KLHL4: variants seen among roughly 807,000 people sequenced by gnomAD.
KLHL4 encodes the protein kelch like family member 4.
A neutral mutation model predicts 45.8 loss-of-function variants in KLHL4; 17 were observed. The ratio of observed to expected loss-of-function variants is 0.37; its 90% CI spans 0.25 to 0.56. The LOEUF (loss-of-function observed/expected upper bound fraction) is 0.56, where lower values mean the gene tolerates loss of function less well. KLHL4 is among the 20% of genes least tolerant of loss of function. KLHL4 has a pLI of 0.79. For synonymous variants in KLHL4, 224 were observed against 189.9 expected (o/e 1.18, Z -1.47); for missense variants, 544 against 544.9 (o/e 1.00, Z 0.02).
At chrX:87,631,662 C>G (rs947050725) in intron 6 of KLHL4, among the ~76,000 whole-genome samples, 1 of 111,786 alleles carries the variant, frequency 8.9e-6, no homozygotes, top group African/African-American at 3.3e-5. Context: ...CAGGTGCATG[C>G]CACGACACAC....
chrX:87,650,178 G>T (rs1923765102), intron 9 of KLHL4, among the ~76,000 whole-genome samples: 1 of 111,135 alleles, frequency 9.0e-6, no homozygotes. Context: ...ATGGTTCACT[G>T]CATGCTCCCC....
chrX:87,581,435 G>A (rs965998362), intron 1 of KLHL4, among the ~76,000 whole-genome samples: 24 of 112,240 alleles, frequency 2.1e-4, no homozygotes, highest in Admixed American at 2.1e-3. Flanking sequence ...TCCCAACCAG[G>A]GTCTCCACCC....
intron 9 of KLHL4, among the ~76,000 whole-genome samples, chrX:87,662,618 C>T (rs1036717741): frequency 9.0e-6 from 1 of 111,268 alleles, no homozygotes; most frequent in African/African-American, 3.3e-5. Context: ...AGTTGTAAAA[C>T]AGGCTTGTCA....
At chrX:87,613,660 A>G (rs1022587105) in intron 1 of KLHL4, among the ~76,000 whole-genome samples, 1 of 111,820 alleles carries the variant, frequency 8.9e-6, no homozygotes, top group Admixed American at 9.5e-5. Flanking sequence ...ATAAATAATA[A>G]CCAGCACACT....
At chrX:87,635,523 A>G in intron 8 of KLHL4, 40 bp from the exon 9 acceptor site, 3 of 1,018,548 alleles carry the variant, frequency 2.9e-6, no homozygotes, top group Non-Finnish European at 4.1e-6. Context: ...ATATGTATAC[A>G]CACACATATA....
intron 1 of KLHL4, among the ~76,000 whole-genome samples, chrX:87,603,995 G>C (rs767178526): frequency 9.1e-6 from 1 of 110,486 alleles, no homozygotes; most frequent in East Asian, 2.9e-4. Flanking sequence ...TGTGGTATTT[G>C]TCTTTCAGTG....
At chrX:87,528,620 C>A (rs1430905992) in intron 1 of KLHL4, among the ~76,000 whole-genome samples, 1 of 98,110 alleles carries the variant, frequency 1.0e-5, no homozygotes, top group Non-Finnish European at 2.0e-5. Context: ...GAGGCTGAGG[C>A]AGGGGAATCG....
At chrX:87,625,117 T>C (rs1459208362) in intron 5 of KLHL4, among the ~76,000 whole-genome samples, 3 of 112,958 alleles carry the variant, frequency 2.7e-5, no homozygotes, top group Admixed American at 9.4e-5. Context: ...TTTTGATGTT[T>C]GCTCCTTTAA....
At chrX:87,540,688 A>C (rs1056427669) in intron 1 of KLHL4, among the ~76,000 whole-genome samples, 2 of 111,378 alleles carry the variant, frequency 1.8e-5, no homozygotes, top group Non-Finnish European at 3.8e-5. Flanking sequence ...GCCCTGCCTG[A>C]ATCTGCTTTA....
At chrX:87,650,663 T>C (rs758452916) in intron 9 of KLHL4, among the ~76,000 whole-genome samples, 1 of 112,094 alleles carries the variant, frequency 8.9e-6, no homozygotes, top group Non-Finnish European at 1.9e-5. Flanking sequence ...TGAGGTAGTT[T>C]TCTTTTATTC....
intron 1 of KLHL4, among the ~76,000 whole-genome samples, chrX:87,581,553 G>A (rs1463393425): frequency 1.8e-5 from 2 of 112,596 alleles, no homozygotes; most frequent in Non-Finnish European, 3.8e-5. Flanking sequence ...GCATTCACTA[G>A]TGATACCTCC....
chrX:87,529,131 A>T (rs938660982), intron 1 of KLHL4, among the ~76,000 whole-genome samples: 1 of 111,752 alleles, frequency 8.9e-6, no homozygotes, highest in African/African-American at 3.2e-5. Context: ...AAATGAAGAA[A>T]CAGTAAAGAC....
In KLHL4 at chrX:87,643,929, C is replaced by A. The variant is rs934859688; in HGVS notation, c.1925+8154C>A. ...TGTAATAAAAACCATCTATGACAAACCCACAGCCAACACAATACTGAATGT... is the reference window on the plus strand; with the variant it reads ...TGTAATAAAAACCATCTATGACAAAACCACAGCCAACACAATACTGAATGT... On this transcript the variant is annotated intron_variant, in intron 9 of 10. Transcript: ENST00000373119. Among the ~76,000 whole-genome samples the A allele has an allele frequency of 5.4e-5, 6 of 111,768 alleles. 1 individual carries two copies. In the South Asian group the frequency reaches 2.2e-3, roughly 42 times the overall value.
At chrX:87,584,341 C>T (rs927618011) in intron 1 of KLHL4, among the ~76,000 whole-genome samples, 2 of 112,127 alleles carry the variant, frequency 1.8e-5, no homozygotes, top group Non-Finnish European at 3.8e-5. Context: ...TCCACGGAAA[C>T]ATGACCTCAA....
intron 4 of KLHL4, among the ~76,000 whole-genome samples, chrX:87,620,930 G>T (rs776947906): frequency 2.7e-5 from 3 of 112,725 alleles, no homozygotes; most frequent in African/African-American, 9.6e-5. Flanking sequence ...ATTTGTATAA[G>T]TGGGAGGGTC....
chrX:87,561,773 G>T (rs73509878), intron 1 of KLHL4, among the ~76,000 whole-genome samples: 203 of 109,306 alleles, frequency 1.9e-3, no homozygotes, highest in African/African-American at 6.1e-3. Flanking sequence ...AAAGAGAAAA[G>T]TAGAGAACTT....
intron 6 of KLHL4, among the ~76,000 whole-genome samples, chrX:87,630,641 G>A (rs1005953761): frequency 8.9e-6 from 1 of 112,125 alleles, no homozygotes; most frequent in African/African-American, 3.2e-5. Context: ...TGAATGGTAA[G>A]AAGCATTGCC....
At chrX:87,588,115 G>A (rs770317334) in intron 1 of KLHL4, among the ~76,000 whole-genome samples, 2 of 110,682 alleles carry the variant, frequency 1.8e-5, no homozygotes, top group Middle Eastern at 4.8e-3. Flanking sequence ...AGATATATAA[G>A]GAAAATTATA....
At position 87,643,687 on chromosome X, in the gene KLHL4, T is replaced by C. The variant is rs753907935; in HGVS notation, c.1925+7912T>C. 2.7e-5 allele frequency among the ~76,000 whole-genome samples: 3 copies of C among 111,603 alleles called. No individual in the cohort carries two copies. In the East Asian group the frequency reaches 8.5e-4, roughly 31 times the overall value. ...CTAGTTAACAGAATCCAACAGCATG[T>C]CAAAAAGATAATACACCATGATCAA... is the stretch of plus-strand genomic sequence containing the variant. On this transcript the variant is annotated intron_variant, in intron 9 of 10. Coordinates refer to ENST00000373119, the MANE Select transcript of KLHL4 (RefSeq NM_019117.5).
Sources: gnomAD v4.1 joint callset for allele counts (sites outside exome capture counted in the v4.1 genomes callset) on GRCh38, gnomAD v4.1.1 for gene constraint, MANE v1.5 for transcripts, NCBI Gene and HGNC (gene_info 2026-07-23, HGNC 2026-07-21) for gene names.